Variants in ACOXL observed in about 807,000 individuals in gnomAD.
The protein encoded by ACOXL is acyl-coenzyme A oxidase-like protein.
Under a neutral mutation model 71.9 loss-of-function variants are expected in ACOXL, and 70 were observed. The observed-to-expected ratio is 0.97, with a 90% confidence interval of 0.80 to 1.19. The LOEUF is 1.19. ACOXL is among the 50% of genes most tolerant of loss of function. The probability of loss-of-function intolerance (pLI) is 0.00; values close to 1 mark genes in which losing one functional copy is unlikely to be tolerated. For synonymous variants in ACOXL, 253 were observed against 281.6 expected (o/e 0.90, Z 1.02); for missense variants, 703 against 736.3 (o/e 0.95, Z 0.52).
chr2:110,996,964 C>G (rs1431219078), intron 14 of ACOXL, among the ~76,000 whole-genome samples: 1 of 152,172 alleles, frequency 6.6e-6, no homozygotes, highest in African/African-American at 2.4e-5. Flanking sequence ...AATTTTTCCC[C>G]CAGGCGTAGA....
intron 14 of ACOXL, among the ~76,000 whole-genome samples, chr2:110,999,260 T>A (rs1380944683): frequency 1.3e-5 from 2 of 152,162 alleles, no homozygotes; most frequent in Non-Finnish European, 2.9e-5. Flanking sequence ...CTTCTTCTTA[T>A]AAGAATACTG....
chr2:110,915,549 G>C (rs2059826971), intron 11 of ACOXL, among the ~76,000 whole-genome samples: 1 of 150,252 alleles, frequency 6.7e-6, no homozygotes, highest in Admixed American at 6.7e-5. Context: ...TCAGCCTCCT[G>C]AGCAACTGGG....
At chr2:110,767,871 G>A (rs1346292508) in intron 1 of ACOXL, among the ~76,000 whole-genome samples, 1 of 151,190 alleles carries the variant, frequency 6.6e-6, no homozygotes, top group East Asian at 1.9e-4. Context: ...GGATCACAAG[G>A]TCAGGAGTTT....
At chr2:110,875,096 C>T (rs1695744023) in intron 10 of ACOXL, among the ~76,000 whole-genome samples, 1 of 152,204 alleles carries the variant, frequency 6.6e-6, no homozygotes, top group Non-Finnish European at 1.5e-5. Context: ...TGAGCCGGTC[C>T]CTTGTCTGCA....
At chr2:110,837,166 G>A (rs1220911950) in intron 9 of ACOXL, among the ~76,000 whole-genome samples, 1 of 152,204 alleles carries the variant, frequency 6.6e-6, no homozygotes, top group African/African-American at 2.4e-5. Context: ...GGCCTAGAAA[G>A]TTCTGGACTT....
At chr2:111,059,229 T>C (rs1426039196) in intron 16 of ACOXL, among the ~76,000 whole-genome samples, 2 of 152,178 alleles carry the variant, frequency 1.3e-5, no homozygotes, top group Admixed American at 1.3e-4. Flanking sequence ...ACAGCAAGAC[T>C]CTGTCTCTAT....
intron 5 of ACOXL, among the ~76,000 whole-genome samples, chr2:110,797,239 T>C (rs181284746): frequency 2.6e-5 from 4 of 152,306 alleles, no homozygotes; most frequent in Admixed American, 2.6e-4. Context: ...AACCCCTGCG[T>C]TTTCTTCCTG....
rs1438174793 is a variant in ACOXL at position 111,117,787 on chromosome 2, C to T, written c.1714C>T (p.Arg572Trp). The T allele has an allele frequency of 3.9e-6, 6 of 1,550,430 alleles. No homozygotes were observed. The highest frequency in any genetic ancestry group is 4.4e-6 in the Non-Finnish European group (5 of 1,146,692). Reference sequence around the variant, plus strand: ...GCGGCCACGGGAAGAGGCGCGCTCCCGGCGGCCCAAGCTGGGAGCCAAGCT... The same window carrying T: ...GCGGCCACGGGAAGAGGCGCGCTCCTGGCGGCCCAAGCTGGGAGCCAAGCT... ...QPRPREEARSRRPKLGAKL is the reference protein window; with the variant it reads ...QPRPREEARSWRPKLGAKL The change falls in exon 18 of 18, where the codon CGG (arginine) becomes TGG (tryptophan). Residue 572 changes from arginine (R) to tryptophan (W), a missense_variant. Arg to Trp is a moderately radical substitution (Grantham distance 101). Coordinates refer to ENST00000439055, the MANE Select transcript of ACOXL (RefSeq NM_001142807.4).
chr2:110,817,952 C>CTTT (rs1193171202), intron 9 of ACOXL, among the ~76,000 whole-genome samples: 2 of 115,732 alleles, frequency 1.7e-5, no homozygotes, highest in Non-Finnish European at 3.6e-5. Flanking sequence ...ATGCTCCTGA[C>CTTT]TTTTTTTTTT....
chr2:110,993,795 G>A (rs2063280333), intron 13 of ACOXL, among the ~76,000 whole-genome samples: 1 of 152,218 alleles, frequency 6.6e-6, no homozygotes, highest in South Asian at 2.1e-4. Context: ...AACACTTGAT[G>A]TCAGTGTACT....
chr2:110,839,569 G>T (rs1326861613), intron 9 of ACOXL, among the ~76,000 whole-genome samples: 1 of 152,080 alleles, frequency 6.6e-6, no homozygotes, highest in African/African-American at 2.4e-5. Flanking sequence ...CCTTCACTTT[G>T]AACTGTTCTT....
intron 2 of ACOXL, among the ~76,000 whole-genome samples, chr2:110,770,153 G>C (rs556350088): frequency 1.3e-5 from 2 of 152,284 alleles, no homozygotes; most frequent in South Asian, 4.1e-4. Context: ...CTGAGGAGCC[G>C]ACCCTATCCT....
intron 9 of ACOXL, among the ~76,000 whole-genome samples, chr2:110,828,732 G>A (rs1309103468): frequency 6.6e-6 from 1 of 152,174 alleles, no homozygotes; most frequent in Non-Finnish European, 1.5e-5. Flanking sequence ...AGATCACATG[G>A]TTATTCAGTG....
At chr2:111,081,595 C>A (rs981079887) in intron 16 of ACOXL, among the ~76,000 whole-genome samples, 18 of 152,176 alleles carry the variant, frequency 1.2e-4, no homozygotes, top group African/African-American at 4.1e-4. Context: ...GGCCATACTG[C>A]CTGAAGTAAT....
At chr2:111,078,057 C>T (rs1003362987) in intron 16 of ACOXL, among the ~76,000 whole-genome samples, 2 of 152,160 alleles carry the variant, frequency 1.3e-5, no homozygotes, top group South Asian at 2.1e-4. Flanking sequence ...CCTTTTGTTA[C>T]AATCCCACAG....
intron 12 of ACOXL, among the ~76,000 whole-genome samples, chr2:110,974,904 A>G (rs988330933): frequency 4.6e-5 from 7 of 152,188 alleles, no homozygotes; most frequent in African/African-American, 1.7e-4. Context: ...CCCCTTTTGT[A>G]CTTTTTCCTT....
chr2:110,869,483 G>A (rs1405604430), intron 10 of ACOXL, among the ~76,000 whole-genome samples: 2 of 152,184 alleles, frequency 1.3e-5, no homozygotes, highest in Non-Finnish European at 2.9e-5. Context: ...GCAAATGTGT[G>A]GTGGGTGAGC....
intron 12 of ACOXL, among the ~76,000 whole-genome samples, chr2:110,965,148 G>A (rs2061871982): frequency 2.0e-5 from 3 of 152,118 alleles, no homozygotes; most frequent in Admixed American, 6.5e-5. Context: ...AGCTGCAAAT[G>A]AAATGATTTC....
At chr2:110,799,133 C>T in intron 7 of ACOXL, 33 bp downstream of exon 7, 3 of 1,579,470 alleles carry the variant, frequency 1.9e-6, no homozygotes, top group Non-Finnish European at 2.6e-6. Flanking sequence ...CCTGTGCTCA[C>T]TCTTCCTACC....
Sources: allele counts gnomAD v4.1 joint callset (sites outside exome capture counted in the v4.1 genomes callset), GRCh38; gene constraint gnomAD v4.1.1; transcripts MANE v1.5; gene names NCBI Gene and HGNC (gene_info 2026-07-23, HGNC 2026-07-21).